ETV2: variants seen among roughly 807,000 people sequenced by gnomAD.
ETV2 encodes the protein ETS variant transcription factor 2.
Under a neutral mutation model 35.7 loss-of-function variants are expected in ETV2, and 34 were observed. That is an observed-to-expected ratio of 0.95 (90% confidence interval 0.72 to 1.27). The LOEUF is 1.27. Among genes scored for constraint, ETV2 ranks in the 50% most tolerant of loss-of-function variants. The pLI, the probability that ETV2 is intolerant of heterozygous loss-of-function variation, is 0.00. For synonymous variants in ETV2, 207 were observed against 203.9 expected (o/e 1.02, Z -0.13); for missense variants, 512 against 470.5 (o/e 1.09, Z -0.82).
chr19:35,642,801 T>C lies in ETV2; in HGVS notation c.154+103T>C. ...GCGTGCCTAGGTTCCTGGGACTGGG[T>C]GGGGAGGGGCCGCGTGCTTGACCCC... On this transcript the variant is annotated intron_variant, in intron 3 of 6. Coordinates refer to ENST00000402764, the MANE Select transcript of ETV2 (RefSeq NM_014209.4). The surrounding 1 kb of genome is among the most constrained non-coding windows in gnomAD (Gnocchi z 4.4). The C allele has an allele frequency of 1.2e-6, 1 of 816,224 alleles. No individual in the cohort carries two copies. Among genetic ancestry groups the C allele is most frequent in the Non-Finnish European group, 1.8e-6 (1 of 555,284 alleles). 50.6% of individuals were successfully genotyped at this position (816,224 alleles called of 1,614,324 possible).
chr19:35,644,754 A>G lies in ETV2; in HGVS notation c.931A>G (p.Ser311Gly), dbSNP rs768874762. The G allele has an allele frequency of 1.2e-6, 2 of 1,610,764 alleles. No homozygotes were observed. Among genetic ancestry groups the G allele is most frequent in the Non-Finnish European group, 1.7e-6 (2 of 1,177,958 alleles). The change falls in exon 7 of 7, where the codon AGC (serine) becomes GGC (glycine). Residue 311 changes from serine to glycine, a missense_variant. Physicochemically the swap from Ser to Gly is moderately conservative, Grantham distance 56 (BLOSUM62 0). Coordinates refer to ENST00000402764, the MANE Select transcript of ETV2 (RefSeq NM_014209.4). The surrounding 1 kb of genome is among the most constrained non-coding windows in gnomAD (Gnocchi z 4.7). Reference sequence around the variant, plus strand: ...CTATCGCCGCGACATCGTGCGCAAGAGCGGGGGGCGAAAGTACACGTACCG... The same window carrying G: ...CTATCGCCGCGACATCGTGCGCAAGGGCGGGGGGCGAAAGTACACGTACCG... ...YYYRRDIVRK[S>G]GGRKYTYRFG...
In ETV2 at chr19:35,644,588, G is replaced by C; in HGVS notation, c.829-64G>C. ...TGCACTGCACACCGCCCCCAGGCCC[G>C]GCCCTCCCCACTATCGCCAAGCCCC... is the stretch of plus-strand genomic sequence containing the variant. On this transcript the variant is annotated intron_variant, in intron 6 of 6. Transcript: ENST00000402764. This position sits in a 1 kb window ranked among gnomAD's most constrained non-coding sequence, Gnocchi z 4.7. 6.8e-7 allele frequency: 1 copy of C among 1,472,130 alleles called. No individual in the cohort carries two copies. The highest frequency in any genetic ancestry group is 9.1e-7 in the Non-Finnish European group (1 of 1,094,252). The allele number at this position is 1,472,130 out of a possible 1,614,324, so 91.2% of individuals were successfully genotyped here.
chr19:35,644,432 T>C lies in ETV2; in HGVS notation c.828+85T>C. 1 of 1,027,132 alleles carries C rather than the reference T, an allele frequency of 9.7e-7. No homozygotes were observed. The highest frequency in any genetic ancestry group is 1.4e-6 in the Non-Finnish European group (1 of 690,966). 63.6% of individuals were successfully genotyped at this position (1,027,132 alleles called of 1,614,324 possible). On this transcript the variant is annotated intron_variant, in intron 6 of 6. Transcript: ENST00000402764. The surrounding 1 kb of genome is among the most constrained non-coding windows in gnomAD (Gnocchi z 4.7). ...CGCCCAAGGGCTAGGTTCAACCGCG[T>C]AGCCCTCGGCCCCGCCGCTCCCCGG...
Position 35,643,245 on chromosome 19 carries a change from CCTCA to C in ETV2, c.236-25_236-22del. The C allele has an allele frequency of 6.4e-7, 1 of 1,572,392 alleles. No homozygotes were observed. The highest frequency in any genetic ancestry group is 8.6e-7 in the Non-Finnish European group (1 of 1,163,392). ...GTTTTTGAGGGGGCACCTGGGCTCCCCTCACTCGGGATCCGTTACTCCTCACAGA... is the reference window on the plus strand; with the variant it reads ...GTTTTTGAGGGGGCACCTGGGCTCCCCTCGGGATCCGTTACTCCTCACAGA... On this transcript the variant is annotated intron_variant, in intron 4 of 6. Transcript: ENST00000402764. The surrounding 1 kb of genome is among the most constrained non-coding windows in gnomAD (Gnocchi z 5.0).
At position 35,642,715 on chromosome 19, in the gene ETV2, A is replaced by AC. The variant is rs763630007; in HGVS notation, c.154+21dup. ...GCTGGAAAGGTGGCTGCGGGCTGGG[A>AC]CCCCTAAGTGCTGGAGAAGAAGCGG... On this transcript the variant is annotated intron_variant, in intron 3 of 6. Coordinates refer to ENST00000402764, the MANE Select transcript of ETV2 (RefSeq NM_014209.4). The surrounding 1 kb of genome is among the most constrained non-coding windows in gnomAD (Gnocchi z 4.4). The AC allele has an allele frequency of 6.4e-7, 1 of 1,558,602 alleles. No homozygotes were observed. The highest frequency in any genetic ancestry group is 1.2e-5 in the South Asian group (1 of 86,050).
rs1381910750 is a variant in ETV2 at position 35,643,451 on chromosome 19, A to T, written c.413A>T (p.Glu138Val). 9.7e-6 allele frequency: 15 copies of T among 1,546,338 alleles called. No homozygotes were observed. Among genetic ancestry groups the T allele is most frequent in the Non-Finnish European group, 1.3e-5 (15 of 1,145,554 alleles). Residue 138 changes from glutamate (E) to valine (V), a missense_variant, in exon 5 of 7, where the codon GAG becomes GTG. Physicochemically the swap from Glu to Val is moderately radical, Grantham distance 121 (BLOSUM62 -2). Coordinates refer to ENST00000402764, the MANE Select transcript of ETV2 (RefSeq NM_014209.4). The surrounding 1 kb of genome is among the most constrained non-coding windows in gnomAD (Gnocchi z 5.0). ...AGQNCVPVAG[E>V]ATSWSRAQAA... ...CAGAACTGCGTCCCCGTGGCGGGAGAGGCCACCTCGTGGTCGCGCGCCCAG... is the reference window on the plus strand; with the variant it reads ...CAGAACTGCGTCCCCGTGGCGGGAGTGGCCACCTCGTGGTCGCGCGCCCAG...
At position 35,643,235 on chromosome 19, in the gene ETV2, C is replaced by T; in HGVS notation, c.236-39C>T. On this transcript the variant is annotated intron_variant, in intron 4 of 6. Coordinates refer to ENST00000402764, the MANE Select transcript of ETV2 (RefSeq NM_014209.4). This position sits in a 1 kb window ranked among gnomAD's most constrained non-coding sequence, Gnocchi z 5.0. ...AGACCCTAGAGTTTTTGAGGGGGCA[C>T]CTGGGCTCCCCTCACTCGGGATCCG... is the stretch of plus-strand genomic sequence containing the variant. 2 of 1,560,456 alleles carry T rather than the reference C, an allele frequency of 1.3e-6. No homozygotes were observed. Among genetic ancestry groups the T allele is most frequent in the Non-Finnish European group, 1.7e-6 (2 of 1,157,364 alleles).
Position 35,644,762 on chromosome 19 carries a change from G to A in ETV2, c.939G>A (p.Gly313=). ...YRRDIVRKSG[G]RKYTYRFGGR... is the part of the protein sequence containing the mutation. ...GCGACATCGTGCGCAAGAGCGGGGG[G>A]CGAAAGTACACGTACCGCTTCGGGG... The change falls in exon 7 of 7, where the codon GGG becomes GGA. Residue 313 remains glycine, a synonymous_variant. Coordinates refer to ENST00000402764, the MANE Select transcript of ETV2 (RefSeq NM_014209.4). The surrounding 1 kb of genome is among the most constrained non-coding windows in gnomAD (Gnocchi z 4.7). 1.2e-6 allele frequency: 2 copies of A among 1,611,112 alleles called. No individual in the cohort carries two copies. Among genetic ancestry groups the A allele is most frequent in the African/African-American group, 2.7e-5 (2 of 75,010 alleles).
Position 35,644,699 on chromosome 19 carries a change from C to A in ETV2, c.876C>A (p.Tyr292Ter). 6.2e-7 allele frequency: 1 copy of A among 1,603,182 alleles called. No individual in the cohort carries two copies. Among genetic ancestry groups the A allele is most frequent in the Non-Finnish European group, 8.5e-7 (1 of 1,174,118 alleles). Residue 292 changes from tyrosine to a stop codon, truncating the protein, a stop_gained, in exon 7 of 7, where the codon TAC becomes TAA. Transcript: ENST00000402764. LOFTEE classifies it low-confidence loss of function (END_TRUNC). The surrounding 1 kb of genome is among the most constrained non-coding windows in gnomAD (Gnocchi z 4.7). Reference protein sequence around the residue: ...GERKRKPGMNYEKLSRGLRYY... With the variant: ...GERKRKPGMN ...GCAAGAGAAAGCCGGGCATGAATTACGAGAAGCTGAGCCGGGGCCTTCGCT... is the reference window on the plus strand; with the variant it reads ...GCAAGAGAAAGCCGGGCATGAATTAAGAGAAGCTGAGCCGGGGCCTTCGCT...
In ETV2 at chr19:35,643,046, G is replaced by T; in HGVS notation, c.235+1G>T. On this transcript the variant is annotated splice_donor_variant, in intron 4 of 6. Transcript: ENST00000402764. LOFTEE classifies it high-confidence loss of function. This position sits in a 1 kb window ranked among gnomAD's most constrained non-coding sequence, Gnocchi z 5.0. ...CACCCAGAAGTTCCATGGGGGGCGGGTGAGTGTGGGGAGAGGCGGTGGGAG... is the reference window on the plus strand; with the variant it reads ...CACCCAGAAGTTCCATGGGGGGCGGTTGAGTGTGGGGAGAGGCGGTGGGAG... 1 of 1,553,756 alleles carries T rather than the reference G, an allele frequency of 6.4e-7. No homozygotes were observed. The highest frequency in any genetic ancestry group is 8.7e-7 in the Non-Finnish European group (1 of 1,144,820).
In ETV2 at chr19:35,644,403, G is replaced by T; in HGVS notation, c.828+56G>T. ...GCCCCGTCTCTTCTAGTTCAATTTA[G>T]CTCCGCCCAAGGGCTAGGTTCAACC... On this transcript the variant is annotated intron_variant, in intron 6 of 6. Transcript: ENST00000402764. The surrounding 1 kb of genome is among the most constrained non-coding windows in gnomAD (Gnocchi z 4.7). 8.0e-7 allele frequency: 1 copy of T among 1,250,674 alleles called. No individual in the cohort carries two copies. Among genetic ancestry groups the T allele is most frequent in the Non-Finnish European group, 1.1e-6 (1 of 878,524 alleles). 77.5% of individuals were successfully genotyped at this position (1,250,674 alleles called of 1,614,324 possible). A position where few individuals can be genotyped will look rare whatever the true frequency, so the allele number is the denominator to read the frequency against.
rs1176024090 is a variant in ETV2 at position 35,642,948 on chromosome 19, G to A, written c.155-17G>A. ...TGAGGGGTCTCTTTCATTGCTCACA[G>A]TCCTCCCTAAACTCAGGTACAAGCT... On this transcript the variant is annotated splice_polypyrimidine_tract_variant and intron_variant, in intron 3 of 6. Coordinates refer to ENST00000402764, the MANE Select transcript of ETV2 (RefSeq NM_014209.4). This position sits in a 1 kb window ranked among gnomAD's most constrained non-coding sequence, Gnocchi z 4.4. 3 of 1,511,560 alleles carry A rather than the reference G, an allele frequency of 2.0e-6. No individual in the cohort carries two copies. The highest frequency in any genetic ancestry group is 2.4e-5 in the East Asian group (1 of 42,050). 93.6% of individuals were successfully genotyped at this position (1,511,560 alleles called of 1,614,324 possible).
chr19:35,643,054 G>A lies in ETV2; in HGVS notation c.235+9G>A. 5.2e-6 allele frequency: 8 copies of A among 1,538,450 alleles called. No individual in the cohort carries two copies. The highest frequency in any genetic ancestry group is 7.1e-6 in the Non-Finnish European group (8 of 1,134,208). On this transcript the variant is annotated intron_variant, in intron 4 of 6. Transcript: ENST00000402764. The surrounding 1 kb of genome is among the most constrained non-coding windows in gnomAD (Gnocchi z 5.0). ...AGTTCCATGGGGGGCGGGTGAGTGT[G>A]GGGAGAGGCGGTGGGAGGTGGGGAC...
Position 35,643,540 on chromosome 19 carries a change from A to C in ETV2, c.502A>C (p.Ser168Arg), listed in dbSNP as rs1007068635. ...GCCCGACGGCGATACCTACTGGGGC[A>C]GTGGCCTGGGCGGGGAGCCGCGCAC... is the stretch of plus-strand genomic sequence containing the variant. ...VGPDGDTYWG[S>R]GLGGEPRTDC... is the part of the protein sequence containing the mutation. Residue 168 changes from serine to arginine, a missense_variant, in exon 5 of 7, where the codon AGT becomes CGT. Transcript: ENST00000402764. This position sits in a 1 kb window ranked among gnomAD's most constrained non-coding sequence, Gnocchi z 5.0. The C allele has an allele frequency of 7.1e-6, 11 of 1,552,942 alleles. No homozygotes were observed. In the Admixed American group the frequency reaches 2.2e-4, roughly 31 times the overall value.
Position 35,643,367 on chromosome 19 carries a change from G to A in ETV2, c.329G>A (p.Gly110Asp), listed in dbSNP as rs1967664444. 6.4e-7 allele frequency: 1 copy of A among 1,573,222 alleles called. No homozygotes were observed. The highest frequency in any genetic ancestry group is 1.4e-5 in the African/African-American group (1 of 74,026). Reference protein sequence around the residue: ...DSWSGASQTLGPAPLGPGPIP... With the variant: ...DSWSGASQTLDPAPLGPGPIP... ...TGGAGCGGCGCCTCGCAGACCCTGG[G>A]CCCCGCCCCTCTCGGCCCGGGCCCC... The change falls in exon 5 of 7, where the codon GGC becomes GAC. Residue 110 changes from glycine (G) to aspartate (D), a missense_variant. Gly to Asp is a moderately conservative substitution (Grantham distance 94, BLOSUM62 -1). Coordinates refer to ENST00000402764, the MANE Select transcript of ETV2 (RefSeq NM_014209.4). This position sits in a 1 kb window ranked among gnomAD's most constrained non-coding sequence, Gnocchi z 5.0.
chr19:35,642,739 G>T lies in ETV2; in HGVS notation c.154+41G>T. 6.8e-7 allele frequency: 1 copy of T among 1,479,538 alleles called. No individual in the cohort carries two copies. The highest frequency in any genetic ancestry group is 1.2e-5 in the South Asian group (1 of 82,178). 91.7% of individuals were successfully genotyped at this position (1,479,538 alleles called of 1,614,324 possible). A position where few individuals can be genotyped will look rare whatever the true frequency, so the allele number is the denominator to read the frequency against. On this transcript the variant is annotated intron_variant, in intron 3 of 6. Coordinates refer to ENST00000402764, the MANE Select transcript of ETV2 (RefSeq NM_014209.4). The surrounding 1 kb of genome is among the most constrained non-coding windows in gnomAD (Gnocchi z 4.4). Reference sequence around the variant, plus strand: ...GACCCCTAAGTGCTGGAGAAGAAGCGGGGAGGCTGGGATCCTAGGGCAAAG... The same window carrying T: ...GACCCCTAAGTGCTGGAGAAGAAGCTGGGAGGCTGGGATCCTAGGGCAAAG...
chr19:35,643,721 G>A lies in ETV2; in HGVS notation c.683G>A (p.Ser228Asn). 1 of 1,613,856 alleles carries A rather than the reference G, an allele frequency of 6.2e-7. No homozygotes were observed. Among genetic ancestry groups the A allele is most frequent in the Non-Finnish European group, 8.5e-7 (1 of 1,179,854 alleles). ...CCGAGCCCGCAGTCGGACCGTGCCA[G>A]TTTGGCTCGATGCCCCAAAACTAAC... The part of the protein sequence containing the change: ...SEPSPQSDRA[S>N]LARCPKTNHR... Residue 228 changes from serine to asparagine, a missense_variant, in exon 5 of 7, where the codon AGT (serine) becomes AAT (asparagine). By Grantham distance (46) the Ser-to-Asn change is conservative. Transcript: ENST00000402764. This position sits in a 1 kb window ranked among gnomAD's most constrained non-coding sequence, Gnocchi z 5.0.
chr19:35,644,744 C>T lies in ETV2; in HGVS notation c.921C>T (p.Ile307=). 4 of 1,609,722 alleles carry T rather than the reference C, an allele frequency of 2.5e-6. No individual in the cohort carries two copies. The highest frequency in any genetic ancestry group is 3.4e-6 in the Non-Finnish European group (4 of 1,177,544). Residue 307 remains isoleucine (I), a synonymous_variant, in exon 7 of 7, where the codon ATC becomes ATT. Coordinates refer to ENST00000402764, the MANE Select transcript of ETV2 (RefSeq NM_014209.4). The surrounding 1 kb of genome is among the most constrained non-coding windows in gnomAD (Gnocchi z 4.7). The part of the protein sequence containing the change: ...RGLRYYYRRD[I]VRKSGGRKYT... ...TTCGCTACTACTATCGCCGCGACAT[C>T]GTGCGCAAGAGCGGGGGGCGAAAGT...
Position 35,644,775 on chromosome 19 carries a change from T to C in ETV2, c.952T>C (p.Tyr318His). 1.9e-6 allele frequency: 3 copies of C among 1,612,342 alleles called. No individual in the cohort carries two copies. Among genetic ancestry groups the C allele is most frequent in the Non-Finnish European group, 1.7e-6 (2 of 1,179,302 alleles). Residue 318 changes from tyrosine to histidine, a missense_variant, in exon 7 of 7, where the codon TAC becomes CAC. By Grantham distance (83) the Tyr-to-His change is moderately conservative. Transcript: ENST00000402764. This position sits in a 1 kb window ranked among gnomAD's most constrained non-coding sequence, Gnocchi z 4.7. ...VRKSGGRKYTYRFGGRVPSLA... is the reference protein window; with the variant it reads ...VRKSGGRKYTHRFGGRVPSLA... ...CAAGAGCGGGGGGCGAAAGTACACGTACCGCTTCGGGGGCCGCGTGCCCAG... is the reference window on the plus strand; with the variant it reads ...CAAGAGCGGGGGGCGAAAGTACACGCACCGCTTCGGGGGCCGCGTGCCCAG...
Sources: allele counts gnomAD v4.1 joint callset, GRCh38; gene constraint gnomAD v4.1.1; non-coding constraint Gnocchi (gnomAD v3.1); transcripts MANE v1.5; gene names NCBI Gene and HGNC (gene_info 2026-07-23, HGNC 2026-07-21).